BMAL2: variants seen among roughly 807,000 people sequenced by gnomAD.
The protein encoded by BMAL2 is basic helix-loop-helix ARNT like 2.
chr12:27,363,176 G>A, the BMAL2 span, among the ~76,000 whole-genome samples: 1 of 152,110 alleles, frequency 6.6e-6, no homozygotes, highest in Admixed American at 6.6e-5. Flanking sequence ...GCTGCTGTTA[G>A]TATTCCATTC....
chr12:27,376,278 A>G, the BMAL2 span: 198 of 1,378,596 alleles, frequency 1.4e-4, no homozygotes, highest in East Asian at 2.3e-4. Flanking sequence ...TCTCACATCT[A>G]TTTCTCTATC....
the BMAL2 span, chr12:27,370,151 G>A: frequency 6.2e-7 from 1 of 1,614,036 alleles, no homozygotes; most frequent in Non-Finnish European, 8.5e-7. Context: ...GACAGAAAAA[G>A]TGGTGGAAAA....
the BMAL2 span, among the ~76,000 whole-genome samples, chr12:27,353,831 TATC>T: frequency 1.3e-5 from 2 of 152,104 alleles, no homozygotes; most frequent in Admixed American, 6.6e-5. Flanking sequence ...TCAAAGCAGT[TATC>T]ATTAGAGAAA....
the BMAL2 span, among the ~76,000 whole-genome samples, chr12:27,340,869 G>A: frequency 6.6e-6 from 1 of 152,012 alleles, no homozygotes; most frequent in East Asian, 1.9e-4. Flanking sequence ...TTTTGTGGTG[G>A]TTAAGAATGG....
At chr12:27,381,406 G>C in the BMAL2 span, among the ~76,000 whole-genome samples, 13 of 152,268 alleles carry the variant, frequency 8.5e-5, no homozygotes, top group Admixed American at 4.6e-4. Context: ...TTCTGCTTCT[G>C]GGGAGGCCTC....
chr12:27,375,874 G>A, the BMAL2 span, among the ~76,000 whole-genome samples: 2 of 152,080 alleles, frequency 1.3e-5, no homozygotes, highest in East Asian at 3.8e-4. Flanking sequence ...TTCAATATTG[G>A]TTACCATCCA....
chr12:27,404,381 T>C, the BMAL2 span, among the ~76,000 whole-genome samples: 1 of 151,944 alleles, frequency 6.6e-6, no homozygotes, highest in African/African-American at 2.4e-5. Flanking sequence ...TAGATCAATG[T>C]AAAAGATTAT....
chr12:27,401,390 T>C, the BMAL2 span: 1 of 1,580,924 alleles, frequency 6.3e-7, no homozygotes, highest in Non-Finnish European at 8.7e-7. Context: ...CAGAATACAT[T>C]TTGGGGAATT....
At chr12:27,403,824 C>T in the BMAL2 span, among the ~76,000 whole-genome samples, 1 of 152,002 alleles carries the variant, frequency 6.6e-6, no homozygotes, top group Non-Finnish European at 1.5e-5. Context: ...AAGAATTGTC[C>T]TGTTCCTTAA....
At chr12:27,403,581 TATC>T in the BMAL2 span, 15 of 1,264,236 alleles carry the variant, frequency 1.2e-5, no homozygotes, top group East Asian at 2.5e-4. Flanking sequence ...AAAGTAAAAA[TATC>T]ATATTTATAA....
the BMAL2 span, among the ~76,000 whole-genome samples, chr12:27,393,786 A>C: frequency 4.6e-5 from 7 of 152,216 alleles, no homozygotes. Flanking sequence ...GTAGACAAGT[A>C]CTGCTGTAGT....
the BMAL2 span, among the ~76,000 whole-genome samples, chr12:27,409,099 A>G: frequency 6.6e-6 from 1 of 152,226 alleles, no homozygotes; most frequent in Non-Finnish European, 1.5e-5. Flanking sequence ...AAAAGAGGAT[A>G]CAAACAAATG....
chr12:27,380,979 G>GAAA, the BMAL2 span, among the ~76,000 whole-genome samples: 1 of 146,242 alleles, frequency 6.8e-6, no homozygotes, highest in Non-Finnish European at 1.5e-5. Flanking sequence ...GCCTGTCTCA[G>GAAA]AAAAAAAAAA....
the BMAL2 span, among the ~76,000 whole-genome samples, chr12:27,382,193 A>G: frequency 1.7e-4 from 26 of 152,324 alleles, no homozygotes; most frequent in South Asian, 3.3e-3. Flanking sequence ...TACAGGCTCA[A>G]CTGAGGTCAT....
At chr12:27,398,937 C>G in the BMAL2 span, among the ~76,000 whole-genome samples, 2 of 152,054 alleles carry the variant, frequency 1.3e-5, no homozygotes, top group African/African-American at 4.8e-5. Flanking sequence ...AATTTTAATT[C>G]CTTTGAGGCA....
At chr12:27,392,284 C>T in the BMAL2 span, among the ~76,000 whole-genome samples, 3 of 152,164 alleles carry the variant, frequency 2.0e-5, no homozygotes, top group African/African-American at 7.2e-5. Flanking sequence ...CGTGCTTAGC[C>T]TGGTTCCCAG....
the BMAL2 span, among the ~76,000 whole-genome samples, chr12:27,356,537 G>A: frequency 3.3e-5 from 5 of 152,094 alleles, no homozygotes; most frequent in East Asian, 1.9e-4. Flanking sequence ...TCTAAGTTGC[G>A]TGTATGTCTT....
At chr12:27,380,097 C>T in the BMAL2 span, 1 of 686,776 alleles carries the variant, frequency 1.5e-6, no homozygotes, top group Non-Finnish European at 2.4e-6. Flanking sequence ...GCAGCGCTTT[C>T]CTCTTCCCTC....
the BMAL2 span, among the ~76,000 whole-genome samples, chr12:27,336,397 G>C: frequency 3.4e-4 from 51 of 152,048 alleles, 1 homozygote; most frequent in East Asian, 3.9e-4. Context: ...GCAGGAGCCA[G>C]TGGGAACTAA....
Sources: gnomAD v4.1 joint callset for allele counts (sites outside exome capture counted in the v4.1 genomes callset) on GRCh38, gnomAD v4.1.1 for gene constraint, MANE v1.5 for transcripts, NCBI Gene and HGNC (gene_info 2026-07-23, HGNC 2026-07-21) for gene names.